Variants in KNTC1 observed in about 807,000 individuals in gnomAD.
The protein encoded by KNTC1 is kinetochore-associated protein 1.
Under a neutral mutation model 314.4 loss-of-function variants are expected in KNTC1, and 253 were observed. The ratio of observed to expected loss-of-function variants is 0.80; its 90% CI spans 0.73 to 0.89. The LOEUF (loss-of-function observed/expected upper bound fraction) is 0.89, where lower values mean the gene tolerates loss of function less well. Ranked by LOEUF, KNTC1 falls within the 40% of genes least tolerant of loss-of-function variation. KNTC1 has a pLI of 0.00. For missense variants in KNTC1, 2,475 were observed against 2,572.9 expected (o/e 0.96, Z 0.82); for synonymous variants, 901 against 901.4 (o/e 1.00, Z 0.01).
In KNTC1 at chr12:122,605,496, A is replaced by T. The variant is rs1872494254; in HGVS notation, c.5496+81A>T. 7.4e-6 allele frequency: 5 copies of T among 677,194 alleles called. No homozygotes were observed. The South Asian group carries it at 9.4e-5, about 13-fold the overall frequency. The allele number at this position is 677,194 out of a possible 1,614,324, so 41.9% of individuals were successfully genotyped here. The stretch of plus-strand genomic sequence containing the variant: ...CTCAAAGGCTAAATATTTATCCCAC[A>T]TGATACAGCCTTCTAATTAGGAGCG... On this transcript the variant is annotated intron_variant, in intron 51 of 63. Coordinates refer to ENST00000333479, the MANE Select transcript of KNTC1 (RefSeq NM_014708.6).
At chr12:122,570,833 T>C in intron 22 of KNTC1, 43 bp from the exon 23 acceptor site, 1 of 1,220,944 alleles carries the variant, frequency 8.2e-7, no homozygotes, top group Non-Finnish European at 1.2e-6. Flanking sequence ...GTTATGTCAG[T>C]GATTATCCAT....
chr12:122,549,505 T>C (rs954117382), intron 12 of KNTC1, among the ~76,000 whole-genome samples: 20 of 151,946 alleles, frequency 1.3e-4, no homozygotes, highest in African/African-American at 4.6e-4. Context: ...GTAGCTGTGA[T>C]TACAGATGCA....
In KNTC1 at chr12:122,615,021, G is replaced by C. The variant is rs1419917111; in HGVS notation, c.5908G>C (p.Glu1970Gln). Residue 1970 changes from glutamate (E) to glutamine (Q), a missense_variant, in exon 56 of 64, where the codon GAA becomes CAA. Physicochemically the swap from Glu to Gln is conservative, Grantham distance 29. Transcript: ENST00000333479. The part of the protein sequence containing the change: ...AVRLVTELCL[E>Q]YKIYDLQLWN... ...AAGATTGGTGACTGAGCTGTGTTTA[G>C]AATACAAAATCTATGACCTGCAGCT... 6.2e-7 allele frequency: 1 copy of C among 1,613,444 alleles called. No homozygotes were observed.
rs763094811 is a variant in KNTC1 at position 122,603,013 on chromosome 12, C to T, written c.4885-14C>T. On this transcript the variant is annotated splice_polypyrimidine_tract_variant and intron_variant, in intron 47 of 63. Transcript: ENST00000333479. ...GAATATGTGCTTCAGCCATAACCTT[C>T]CTTTTCTTTGAAGTTCTCTCTGGAC... 5 of 1,609,970 alleles carry T rather than the reference C, an allele frequency of 3.1e-6. No homozygotes were observed. In the East Asian group the frequency reaches 6.7e-5, roughly 22 times the overall value.
At position 122,579,025 on chromosome 12, in the gene KNTC1, C is replaced by CTTTTTTTTTTTTTTTT. The variant is rs74421837; in HGVS notation, c.2842-838_2842-823dup. Among the ~76,000 whole-genome samples, 2 of 75,210 alleles carry CTTTTTTTTTTTTTTTT rather than the reference C, an allele frequency of 2.7e-5. 1 individual carries two copies. Among genetic ancestry groups the CTTTTTTTTTTTTTTTT allele is most frequent in the Admixed American group, 3.9e-4 (2 of 5,074 alleles). 49.3% of individuals were successfully genotyped at this position (75,210 alleles called of 152,430 possible). A position where few individuals can be genotyped will look rare whatever the true frequency, so the allele number is the denominator to read the frequency against. On this transcript the variant is annotated intron_variant, in intron 31 of 63. Coordinates refer to ENST00000333479, the MANE Select transcript of KNTC1 (RefSeq NM_014708.6). ...ACTGTCTAATACCATAGTCTGTATT[C>CTTTTTTTTTTTTTTTT]TTTTTTTTTTTTTTTTTTTTTTTTT...
chr12:122,621,012 G>C (rs1416804847), intron 60 of KNTC1, among the ~76,000 whole-genome samples: 2 of 152,202 alleles, frequency 1.3e-5, no homozygotes, highest in Non-Finnish European at 2.9e-5. Context: ...TAGCAACCTT[G>C]TGCATAGGCA....
intron 48 of KNTC1, among the ~76,000 whole-genome samples, chr12:122,603,754 G>A (rs907076979): frequency 1.3e-5 from 2 of 152,166 alleles, no homozygotes; most frequent in African/African-American, 4.8e-5. Context: ...GCCTCCCAAA[G>A]TGCTGGGATT....
intron 13 of KNTC1, 74 bp from the exon 14 acceptor site, chr12:122,551,245 A>G (rs1963174694): frequency 1.0e-6 from 1 of 960,152 alleles, no homozygotes; most frequent in East Asian, 2.6e-5. Context: ...TGCCTGAACC[A>G]GTAGTTACTC....
chr12:122,614,197 T>C (rs1873502254), intron 55 of KNTC1, among the ~76,000 whole-genome samples: 1 of 152,186 alleles, frequency 6.6e-6, no homozygotes, highest in South Asian at 2.1e-4. Context: ...TGTCACAGCG[T>C]GTGGATGGAT....
intron 50 of KNTC1, 79 bp from the exon 51 acceptor site, chr12:122,605,227 A>T (rs1418635760): frequency 9.3e-7 from 1 of 1,073,082 alleles, no homozygotes; most frequent in Non-Finnish European, 1.4e-6. Context: ...GTATGTGCAT[A>T]TATACACATA....
chr12:122,535,822 C>CA lies in KNTC1; in HGVS notation c.250+1046dup, dbSNP rs767598739. On this transcript the variant is annotated intron_variant, in intron 3 of 63. Coordinates refer to ENST00000333479, the MANE Select transcript of KNTC1 (RefSeq NM_014708.6). ...CAGAGTGACAGTCGTGTCTCAAAAACAAAAAAAAGAGTGAATTAAGGGGTA... is the reference window on the plus strand; with the variant it reads ...CAGAGTGACAGTCGTGTCTCAAAAACAAAAAAAAAGAGTGAATTAAGGGGTA... 1.6e-3 allele frequency among the ~76,000 whole-genome samples: 224 copies of CA among 143,232 alleles called. 1 individual carries two copies. The highest frequency in any genetic ancestry group is 2.4e-3 in the Non-Finnish European group (157 of 65,670). 94.0% of individuals were successfully genotyped at this position (143,232 alleles called of 152,430 possible). A position where few individuals can be genotyped will look rare whatever the true frequency, so the allele number is the denominator to read the frequency against.
At chr12:122,589,632 G>A (rs1381147371) in intron 40 of KNTC1, among the ~76,000 whole-genome samples, 4 of 151,552 alleles carry the variant, frequency 2.6e-5, no homozygotes, top group Non-Finnish European at 4.4e-5. Context: ...TACCATGCCT[G>A]GCCAATTTGT....
At chr12:122,535,859 G>A (rs112197952) in intron 3 of KNTC1, among the ~76,000 whole-genome samples, 1 of 150,118 alleles carries the variant, frequency 6.7e-6, no homozygotes, top group African/African-American at 2.5e-5. Context: ...GTCAGTGATT[G>A]TACTGAGCTT....
rs7968222 is a variant in KNTC1 at position 122,546,241 on chromosome 12, G to T, written c.735G>T (p.Lys245Asn). The stretch of plus-strand genomic sequence containing the variant: ...CTTCCAAGAAAGGAATGACAGTTAA[G>T]AACCTTATTGATGCAGAGATTATTA... ...PDSSKKGMTV[K>N]NLIDAEIIKG... is the part of the protein sequence containing the mutation. The change falls in exon 9 of 64, where the codon AAG becomes AAT. Residue 245 changes from lysine to asparagine, a missense_variant. Lys to Asn is a moderately conservative substitution (Grantham distance 94). Transcript: ENST00000333479. The T allele has an allele frequency of 0.11, 173,265 of 1,592,266 alleles. 11,203 individuals are homozygous for T. The highest frequency in any genetic ancestry group is 0.27 in the African/African-American group (19,967 of 74,408).
In KNTC1 at chr12:122,594,264, T is replaced by G. The variant is rs61164806; in HGVS notation, c.4246-12T>G. 4.7e-6 allele frequency: 7 copies of G among 1,505,116 alleles called. No homozygotes were observed. In the East Asian group the frequency reaches 1.6e-4, roughly 34 times the overall value. The allele number at this position is 1,505,116 out of a possible 1,614,324, so 93.2% of individuals were successfully genotyped here. On this transcript the variant is annotated splice_polypyrimidine_tract_variant and intron_variant, in intron 42 of 63. Coordinates refer to ENST00000333479, the MANE Select transcript of KNTC1 (RefSeq NM_014708.6). ...GGGTTTTTTTGCTTTGTTTTTTTCT[T>G]TTTATTTCTAGATTTCTTTTCAACC...
chr12:122,612,315 C>T, intron 53 of KNTC1, among the ~76,000 whole-genome samples: 1 of 152,096 alleles, frequency 6.6e-6, no homozygotes, highest in African/African-American at 2.4e-5. Flanking sequence ...ATCCACCCAC[C>T]TCGGGCTCCC....
At chr12:122,528,679 C>T (rs1229049627) in intron 1 of KNTC1, among the ~76,000 whole-genome samples, 2 of 152,158 alleles carry the variant, frequency 1.3e-5, no homozygotes, top group East Asian at 3.8e-4. Flanking sequence ...TGCTTAAGTC[C>T]CTGTCATTAA....
At position 122,534,751 on chromosome 12, in the gene KNTC1, A is replaced by G. The variant is rs1405350508; in HGVS notation, c.217A>G (p.Ile73Val). 2.5e-6 allele frequency: 4 copies of G among 1,612,492 alleles called. No homozygotes were observed. Among genetic ancestry groups the G allele is most frequent in the Non-Finnish European group, 3.4e-6 (4 of 1,178,852 alleles). ...CCAATCAGTGATATTGCTTGACAGT[A>G]TTTGTAGATCACTTCAATTGCATCT... ...ADQSVILLDSICRSLQLHLVF... is the reference protein window; with the variant it reads ...ADQSVILLDSVCRSLQLHLVF... The change falls in exon 3 of 64, where the codon ATT becomes GTT. Residue 73 changes from isoleucine to valine, a missense_variant. Transcript: ENST00000333479.
At chr12:122,599,898 G>T (rs1180422271) in intron 44 of KNTC1, among the ~76,000 whole-genome samples, 8 of 152,120 alleles carry the variant, frequency 5.3e-5, no homozygotes, top group Non-Finnish European at 1.2e-4. Flanking sequence ...CGTGCCTGCA[G>T]TCCCAGCTAT....
Sources: allele counts gnomAD v4.1 joint callset (sites outside exome capture counted in the v4.1 genomes callset), GRCh38; gene constraint gnomAD v4.1.1; transcripts MANE v1.5; gene names NCBI Gene and HGNC (gene_info 2026-07-23, HGNC 2026-07-21).